ROBO1: variants seen among roughly 807,000 people sequenced by gnomAD.
ROBO1 encodes the protein roundabout homolog 1.
In ROBO1, 149 loss-of-function variants were observed where a neutral mutation model predicts 195.9. The observed-to-expected ratio is 0.76, with a 90% confidence interval of 0.67 to 0.87. ROBO1 has a LOEUF of 0.87. Ranked by LOEUF, ROBO1 falls within the 40% of genes least tolerant of loss-of-function variation. ROBO1 has a pLI of 0.00. For synonymous variants in ROBO1, 816 were observed against 733.2 expected, an observed-to-expected ratio of 1.11 and a Z score of -1.82; for missense variants, 1,933 against 2,068.3, an observed-to-expected ratio of 0.93 and a Z score of 1.27.
chr3:79,198,105 CTT>C (rs1559729213), intron 2 of ROBO1, among the ~76,000 whole-genome samples: 1 of 152,016 alleles, frequency 6.6e-6, no homozygotes, highest in African/African-American at 2.4e-5. Flanking sequence ...GTCATGAAGT[CTT>C]TGCCCATGCC....
chr3:79,546,999 G>A (rs949178377), intron 2 of ROBO1, among the ~76,000 whole-genome samples: 2 of 151,760 alleles, frequency 1.3e-5, no homozygotes, highest in Non-Finnish European at 2.9e-5. Context: ...GGCTAACAGG[G>A]TGAAAACCCA....
At chr3:78,990,185 TC>T (rs1334913818) in intron 3 of ROBO1, among the ~76,000 whole-genome samples, 1 of 152,200 alleles carries the variant, frequency 6.6e-6, no homozygotes, top group Non-Finnish European at 1.5e-5. Flanking sequence ...AGATTTTGTT[TC>T]CCCCTTGGTG....
chr3:78,657,514 A>G (rs1001775683), intron 17 of ROBO1, among the ~76,000 whole-genome samples: 1 of 152,224 alleles, frequency 6.6e-6, no homozygotes, highest in Non-Finnish European at 1.5e-5. Flanking sequence ...AGGTTCTATC[A>G]GGTAAGTCTA....
At chr3:78,997,110 A>G (rs1236916911) in intron 3 of ROBO1, among the ~76,000 whole-genome samples, 1 of 152,140 alleles carries the variant, frequency 6.6e-6, no homozygotes, top group Non-Finnish European at 1.5e-5. Flanking sequence ...GACAGCCTCT[A>G]CCACAAAGAA....
intron 1 of ROBO1, among the ~76,000 whole-genome samples, chr3:79,757,593 C>T (rs932755874): frequency 2.0e-5 from 3 of 151,884 alleles, no homozygotes; most frequent in African/African-American, 7.3e-5. Flanking sequence ...GCAGGAAGAT[C>T]ACTTGAGCCC....
rs546851608 is a variant in ROBO1 at position 79,531,676 on chromosome 3, G to C, written c.88+58148C>G. Reference sequence around the variant, plus strand: ...AATAGCAAATTGATACTTAAACTCTGTTTCACGTTTTTCACAGGCATTAAT... The same window carrying C: ...AATAGCAAATTGATACTTAAACTCTCTTTCACGTTTTTCACAGGCATTAAT... On this transcript the variant is annotated intron_variant, in intron 2 of 30. Transcript: ENST00000464233. Among the ~76,000 whole-genome samples, 6 of 152,286 alleles carry C rather than the reference G, an allele frequency of 3.9e-5. No individual in the cohort carries two copies. The South Asian group carries it at 8.3e-4, about 21-fold the overall frequency.
chr3:78,829,210 C>T (rs915030992), intron 4 of ROBO1, among the ~76,000 whole-genome samples: 1 of 152,090 alleles, frequency 6.6e-6, no homozygotes, highest in African/African-American at 2.4e-5. Context: ...AAAAAACTAG[C>T]AGTGTCTGAA....
At chr3:79,020,652 C>A (rs2078081156) in intron 3 of ROBO1, among the ~76,000 whole-genome samples, 1 of 152,164 alleles carries the variant, frequency 6.6e-6, no homozygotes, top group Non-Finnish European at 1.5e-5. Flanking sequence ...AGATAACTTG[C>A]CACTGCACTC....
chr3:79,713,081 C>G (rs1702338627), intron 1 of ROBO1, among the ~76,000 whole-genome samples: 1 of 151,750 alleles, frequency 6.6e-6, no homozygotes, highest in Non-Finnish European at 1.5e-5. Context: ...CCCCCACCCC[C>G]CACTTGAGTA....
chr3:78,657,260 G>A lies in ROBO1; in HGVS notation c.2452C>T (p.Leu818=). Residue 818 remains leucine, a synonymous_variant, in exon 18 of 31, where the codon CTG becomes TTG. Coordinates refer to ENST00000464233, the MANE Select transcript of ROBO1 (RefSeq NM_002941.4). ...GMVQEYKVWC[L]GNETRYHINK... ...ATGTGGTATCGAGTTTCATTGCCCA[G>A]ACACCAAACCTGTAAGAAGCACATC... 6.2e-7 allele frequency: 1 copy of A among 1,613,554 alleles called. No homozygotes were observed. Among genetic ancestry groups the A allele is most frequent in the Non-Finnish European group, 8.5e-7 (1 of 1,179,712 alleles).
At chr3:79,090,106 AT>A (rs1183721021) in intron 3 of ROBO1, among the ~76,000 whole-genome samples, 4 of 150,828 alleles carry the variant, frequency 2.7e-5, no homozygotes, top group African/African-American at 9.8e-5. Flanking sequence ...TGCCCAGCTA[AT>A]TTTTCTATTT....
Position 78,668,130 on chromosome 3 carries a change from C to T in ROBO1, c.1799+4G>A, listed in dbSNP as rs1195967492. The T allele has an allele frequency of 1.9e-6, 3 of 1,612,888 alleles. No homozygotes were observed. The African/African-American group carries it at 4.0e-5, about 22-fold the overall frequency. On this transcript the variant is annotated splice_donor_region_variant and intron_variant, in intron 13 of 30. Coordinates refer to ENST00000464233, the MANE Select transcript of ROBO1 (RefSeq NM_002941.4). ...ACAACTAGGAAGCATCTCCTTCACT[C>T]TACCTGAAGGCTTCTATAATATAAG...
rs74637056 is a variant in ROBO1 at position 79,223,602 on chromosome 3, C to T, written c.89-98063G>A. 3.0e-3 allele frequency among the ~76,000 whole-genome samples: 452 copies of T among 152,294 alleles called. 4 individuals carry two copies. The highest frequency in any genetic ancestry group is 9.4e-3 in the African/African-American group (389 of 41,578). On this transcript the variant is annotated intron_variant, in intron 2 of 30. Coordinates refer to ENST00000464233, the MANE Select transcript of ROBO1 (RefSeq NM_002941.4). ...TCAGCAAGCCAAATGACTGATGGCA[C>T]AGGACTCATCCATATTTATCTTTCC...
At chr3:79,125,793 A>G (rs72894195) in intron 2 of ROBO1, among the ~76,000 whole-genome samples, 7,640 of 152,218 alleles carry the variant, frequency 0.05, 629 homozygotes, top group African/African-American at 0.17. Context: ...CACCTTTGCT[A>G]CACTTCAAAG....
chr3:78,685,903 T>G lies in ROBO1; in HGVS notation c.1185A>C (p.Ser395=). 6.3e-7 allele frequency: 1 copy of G among 1,593,608 alleles called. No individual in the cohort carries two copies. The highest frequency in any genetic ancestry group is 1.1e-5 in the South Asian group (1 of 88,190). The change falls in exon 10 of 31, where the codon TCA becomes TCC. Residue 395 remains serine (S), a synonymous_variant. Coordinates refer to ENST00000464233, the MANE Select transcript of ROBO1 (RefSeq NM_002941.4). ...RREGSQNLLF[S]YQPPQSSSRF... ...GGCTGGATGACTGTGGTGGTTGATA[T>G]GAGAAAAGTAGATTCTAGAACCCAG...
intron 18 of ROBO1, among the ~76,000 whole-genome samples, chr3:78,654,831 GAACT>G (rs1445237166): frequency 3.9e-5 from 6 of 152,118 alleles, no homozygotes; most frequent in South Asian, 4.2e-4. Flanking sequence ...CCAAAAAACA[GAACT>G]AAATAATCTT....
At chr3:79,761,442 G>T (rs1422824616) in intron 1 of ROBO1, among the ~76,000 whole-genome samples, 1 of 152,112 alleles carries the variant, frequency 6.6e-6, no homozygotes, top group Non-Finnish European at 1.5e-5. Flanking sequence ...ATCTGGAAGA[G>T]TACCCAGAAA....
At chr3:78,789,848 ATTTCATCATTTTCAGCCACCACCT>A (rs2083962969) in intron 4 of ROBO1, among the ~76,000 whole-genome samples, 1 of 152,166 alleles carries the variant, frequency 6.6e-6, no homozygotes, top group African/African-American at 2.4e-5. Context: ...TGGCTATGCC[ATTTCATCATTTTCAGCCACCACCT>A]TTGTTGAATC....
At chr3:78,705,093 T>C (rs1461717347) in intron 8 of ROBO1, among the ~76,000 whole-genome samples, 1 of 152,210 alleles carries the variant, frequency 6.6e-6, no homozygotes, top group South Asian at 2.1e-4. Flanking sequence ...CAGGCAGTGA[T>C]GGGATTCAAT....
Sources: allele counts gnomAD v4.1 joint callset (sites outside exome capture counted in the v4.1 genomes callset), GRCh38; gene constraint gnomAD v4.1.1; transcripts MANE v1.5; gene names NCBI Gene and HGNC (gene_info 2026-07-23, HGNC 2026-07-21).